ETF1: variants seen among roughly 807,000 people sequenced by gnomAD.
The protein encoded by ETF1 is eukaryotic peptide chain release factor subunit 1.
Under a neutral mutation model 55.1 loss-of-function variants are expected in ETF1, and 4 were observed. That is an observed-to-expected ratio of 0.07 (90% CI 0.04 to 0.17). The LOEUF (loss-of-function observed/expected upper bound fraction) is 0.17, where lower values mean the gene tolerates loss of function less well. Among genes scored for constraint, ETF1 ranks in the 10% least tolerant of loss-of-function variants. The pLI, the probability that ETF1 is intolerant of heterozygous loss-of-function variation, is 1.00. For missense variants in ETF1, 142 were observed against 523.6 expected (o/e 0.27, Z 7.11); for synonymous variants, 157 against 182.3 (o/e 0.86, Z 1.12).
At chr5:138,527,973 T>C (rs1765547689) in intron 2 of ETF1, among the ~76,000 whole-genome samples, 1 of 152,056 alleles carries the variant, frequency 6.6e-6, no homozygotes, top group African/African-American at 2.4e-5. Flanking sequence ...GGTTTCTCTA[T>C]GTTGGTCAGG....
chr5:138,513,393 T>C, intron 5 of ETF1, 175 bp downstream of exon 5: 1 of 304,474 alleles, frequency 3.3e-6, no homozygotes, highest in Non-Finnish European at 4.8e-6. Context: ...CACATTTTTG[T>C]ATTTTTAGTA....
At position 138,542,590 on chromosome 5, in the gene ETF1, G is replaced by A. The variant is rs528643880; in HGVS notation, c.86+243C>T. 1.4e-5 allele frequency: 19 copies of A among 1,389,594 alleles called. No individual in the cohort carries two copies. In the Admixed American group the frequency reaches 1.9e-4, roughly 14 times the overall value. The allele number at this position is 1,389,594 out of a possible 1,614,324, so 86.1% of individuals were successfully genotyped here. A position where few individuals can be genotyped will look rare whatever the true frequency, so the allele number is the denominator to read the frequency against. On this transcript the variant is annotated intron_variant, in intron 2 of 10. Coordinates refer to ENST00000360541, the MANE Select transcript of ETF1 (RefSeq NM_004730.4). Reference sequence around the variant, plus strand: ...TGCAAAAGTAGCGGTGGCCTACCACGAGGGGGGCCGAGTGATCTAAACCGG... The same window carrying A: ...TGCAAAAGTAGCGGTGGCCTACCACAAGGGGGGCCGAGTGATCTAAACCGG...
intron 2 of ETF1, chr5:138,529,883 C>T (rs1017480743): frequency 6.5e-5 from 11 of 169,320 alleles, no homozygotes; most frequent in African/African-American, 2.4e-4. Flanking sequence ...CCTGGGACTA[C>T]AGGTACGCAC....
chr5:138,512,228 AT>A (rs1764825550), intron 6 of ETF1, among the ~76,000 whole-genome samples: 14 of 20,616 alleles, frequency 6.8e-4, no homozygotes, highest in African/African-American at 4.1e-3. Flanking sequence ...AAAAAAAAAT[AT>A]ATATATATAT....
chr5:138,509,425 T>C (rs552125822), intron 9 of ETF1, among the ~76,000 whole-genome samples: 1 of 152,314 alleles, frequency 6.6e-6, no homozygotes, highest in South Asian at 2.1e-4. Context: ...AATGTTTTCC[T>C]GATTGCTTAA....
At chr5:138,529,968 CTT>C (rs983198245) in intron 2 of ETF1, among the ~76,000 whole-genome samples, 2 of 152,160 alleles carry the variant, frequency 1.3e-5, no homozygotes, top group African/African-American at 4.8e-5. Context: ...GTCACGAACT[CTT>C]GGGCCCAAAC....
chr5:138,518,575 A>G (rs1765114772), intron 3 of ETF1, 117 bp downstream of exon 3: 2 of 850,104 alleles, frequency 2.4e-6, no homozygotes, highest in Admixed American at 5.0e-5. Context: ...AAGGCCAAAG[A>G]GACACTGATG....
At chr5:138,531,431 A>T (rs560996354) in intron 2 of ETF1, among the ~76,000 whole-genome samples, 11 of 152,140 alleles carry the variant, frequency 7.2e-5, no homozygotes, top group Admixed American at 5.2e-4. Flanking sequence ...ACCTAAGACA[A>T]CCTAGCTATA....
chr5:138,535,293 C>T (rs929532046), intron 2 of ETF1, among the ~76,000 whole-genome samples: 6 of 151,406 alleles, frequency 4.0e-5, no homozygotes, highest in Non-Finnish European at 7.4e-5. Flanking sequence ...ATTAGTTCCC[C>T]CATGAAGCAG....
intron 2 of ETF1, among the ~76,000 whole-genome samples, chr5:138,523,138 G>C (rs1420167110): frequency 1.3e-5 from 2 of 152,184 alleles, no homozygotes; most frequent in Non-Finnish European, 2.9e-5. Context: ...GGGGGCCAAG[G>C]TGGGCGGATC....
intron 6 of ETF1, chr5:138,511,871 G>A: frequency 1.0e-6 from 1 of 985,098 alleles, no homozygotes; most frequent in Non-Finnish European, 1.2e-6. Context: ...GGAGGAAAGG[G>A]GGGACCACTG....
At chr5:138,519,237 G>A in intron 2 of ETF1, 1 of 976,876 alleles carries the variant, frequency 1.0e-6, no homozygotes, top group Non-Finnish European at 1.2e-6. Flanking sequence ...TGTGGTGGTT[G>A]AGTGGGAGAC....
chr5:138,543,190 T>C lies in ETF1; in HGVS notation c.-112A>G. 1.8e-6 allele frequency: 1 copy of C among 553,138 alleles called. No individual in the cohort carries two copies. Among genetic ancestry groups the C allele is most frequent in the East Asian group, 3.1e-5 (1 of 32,328 alleles). The allele number at this position is 553,138 out of a possible 1,614,324, so 34.3% of individuals were successfully genotyped here. A position where few individuals can be genotyped will look rare whatever the true frequency, so the allele number is the denominator to read the frequency against. On this transcript the variant is annotated 5_prime_UTR_variant, in exon 1 of 11. Transcript: ENST00000360541. ...TGACGTAGGACACCGGCTCCCTCTC[T>C]CCAGGCAGCTGCATGTGTTGCAATC...
chr5:138,518,977 G>C (rs1416579078), intron 2 of ETF1, 110 bp from the exon 3 acceptor site: 1 of 1,533,654 alleles, frequency 6.5e-7, no homozygotes, highest in African/African-American at 1.4e-5. Context: ...TATGGAAACA[G>C]GTCACTCTCA....
At chr5:138,525,589 T>C (rs1384107294) in intron 2 of ETF1, among the ~76,000 whole-genome samples, 1 of 152,158 alleles carries the variant, frequency 6.6e-6, no homozygotes, top group East Asian at 1.9e-4. Flanking sequence ...CAGTATAAAT[T>C]GAGCTGACTT....
chr5:138,508,845 T>C (rs1054593459), intron 9 of ETF1, 29 bp from the exon 10 acceptor site: 9 of 1,608,154 alleles, frequency 5.6e-6, no homozygotes, highest in Non-Finnish European at 7.6e-6. Flanking sequence ...GATACAAAAA[T>C]GGGGGATTAG....
intron 2 of ETF1, among the ~76,000 whole-genome samples, chr5:138,528,067 C>T (rs771219837): frequency 6.6e-6 from 1 of 152,100 alleles, no homozygotes; most frequent in African/African-American, 2.4e-5. Flanking sequence ...CCACCATGCC[C>T]GGCTGGAAGT....
intron 4 of ETF1, 143 bp from the exon 5 acceptor site, chr5:138,513,849 T>C (rs574571211): frequency 2.8e-4 from 316 of 1,114,012 alleles, no homozygotes; most frequent in Admixed American, 1.8e-3. Context: ...GAATAATTTA[T>C]AGACTTCAGT....
chr5:138,537,627 G>A (rs182859047), intron 2 of ETF1, among the ~76,000 whole-genome samples: 30 of 151,882 alleles, frequency 2.0e-4, no homozygotes, highest in Admixed American at 1.7e-3. Flanking sequence ...TTGCTCTGTC[G>A]CCCAGGCTGG....
Sources: gnomAD v4.1 joint callset for allele counts (sites outside exome capture counted in the v4.1 genomes callset) on GRCh38, gnomAD v4.1.1 for gene constraint, MANE v1.5 for transcripts, NCBI Gene and HGNC (gene_info 2026-07-23, HGNC 2026-07-21) for gene names.